Variants in TMEM132D observed in about 807,000 individuals in gnomAD.
TMEM132D encodes the protein transmembrane protein 132D.
In TMEM132D, 21 loss-of-function variants were observed where a neutral mutation model predicts 62.3. The observed-to-expected ratio is 0.34, with a 90% CI of 0.24 to 0.49. The LOEUF is 0.49. Among genes scored for constraint, TMEM132D ranks in the 20% least tolerant of loss-of-function variants. The pLI, the probability that TMEM132D is intolerant of heterozygous loss-of-function variation, is 0.99. For synonymous variants in TMEM132D, 621 were observed against 575.6 expected, an observed-to-expected ratio of 1.08 and a Z score of -1.13; for missense variants, 1,346 against 1,402.8, an observed-to-expected ratio of 0.96 and a Z score of 0.65.
At chr12:129,390,870 G>A (rs1484313900) in intron 3 of TMEM132D, among the ~76,000 whole-genome samples, 1 of 152,194 alleles carries the variant, frequency 6.6e-6, no homozygotes, top group Non-Finnish European at 1.5e-5. Context: ...TTGGTTGGAT[G>A]TAGGCTTCAT....
chr12:129,836,534 A>G (rs1318521756), intron 1 of TMEM132D, among the ~76,000 whole-genome samples: 1 of 151,490 alleles, frequency 6.6e-6, no homozygotes, highest in Non-Finnish European at 1.5e-5. Context: ...GTGTGTGTGT[A>G]CCCCGAATAC....
At chr12:129,282,993 C>T (rs932778162) in intron 4 of TMEM132D, among the ~76,000 whole-genome samples, 2 of 152,146 alleles carry the variant, frequency 1.3e-5, no homozygotes, top group Non-Finnish European at 2.9e-5. Flanking sequence ...GGATAAAGAA[C>T]TTCTGATTCC....
At chr12:129,770,880 C>A (rs535265262) in intron 1 of TMEM132D, among the ~76,000 whole-genome samples, 1 of 152,318 alleles carries the variant, frequency 6.6e-6, no homozygotes, top group East Asian at 1.9e-4. Context: ...GCTTTTGCAC[C>A]ATTGTACAGT....
intron 2 of TMEM132D, among the ~76,000 whole-genome samples, chr12:129,639,249 G>A (rs1019585829): frequency 1.3e-5 from 2 of 151,674 alleles, no homozygotes; most frequent in Non-Finnish European, 2.9e-5. Context: ...TGGGCATGGT[G>A]GTGGGTGCCT....
chr12:129,297,160 T>G (rs1379655429), intron 4 of TMEM132D, among the ~76,000 whole-genome samples: 1 of 152,128 alleles, frequency 6.6e-6, no homozygotes, highest in African/African-American at 2.4e-5. Flanking sequence ...TCAGAGTCAA[T>G]GTGGAGTTTG....
At chr12:129,212,829 T>C (rs1356074540) in intron 4 of TMEM132D, among the ~76,000 whole-genome samples, 1 of 119,396 alleles carries the variant, frequency 8.4e-6, no homozygotes, top group East Asian at 3.4e-4. Context: ...ATAGGCTGGA[T>C]GTGGCACTGA....
chr12:129,186,709 A>G (rs1183723530), intron 5 of TMEM132D, among the ~76,000 whole-genome samples: 2 of 152,200 alleles, frequency 1.3e-5, no homozygotes, highest in African/African-American at 4.8e-5. Context: ...ATGAGCTAAT[A>G]CATGTAAGTG....
chr12:129,552,904 T>G (rs1041642762), intron 2 of TMEM132D, among the ~76,000 whole-genome samples: 1 of 152,214 alleles, frequency 6.6e-6, no homozygotes, highest in African/African-American at 2.4e-5. Context: ...AGTGACTCAC[T>G]GTTCTCCAAG....
chr12:129,770,476 T>C (rs1375800013), intron 1 of TMEM132D, among the ~76,000 whole-genome samples: 1 of 152,180 alleles, frequency 6.6e-6, no homozygotes, highest in East Asian at 1.9e-4. Context: ...AGGTGCTTTT[T>C]TTCAGCCATA....
chr12:129,771,821 A>G (rs946538111), intron 1 of TMEM132D, among the ~76,000 whole-genome samples: 1 of 152,266 alleles, frequency 6.6e-6, no homozygotes, highest in African/African-American at 2.4e-5. Flanking sequence ...ACACACATAT[A>G]CATGCATGAA....
rs182413951 is a variant in TMEM132D at position 129,174,284 on chromosome 12, C to T, written c.1443+35236G>A. ...TTTTGTTCCCCTCCCTGTGTCCATG[C>T]GTTCTCATTGTTCAACTCGCACTTA... is the stretch of plus-strand genomic sequence containing the variant. On this transcript the variant is annotated intron_variant, in intron 5 of 8. Coordinates refer to ENST00000422113, the MANE Select transcript of TMEM132D (RefSeq NM_133448.3). Among the ~76,000 whole-genome samples the T allele has an allele frequency of 6.0e-3, 909 of 152,164 alleles. 3 individuals carry two copies. Among genetic ancestry groups the T allele is most frequent in the Non-Finnish European group, 8.4e-3 (574 of 68,008 alleles).
At chr12:129,754,596 A>AT (rs1870106354) in intron 1 of TMEM132D, among the ~76,000 whole-genome samples, 1 of 152,216 alleles carries the variant, frequency 6.6e-6, no homozygotes, top group African/African-American at 2.4e-5. Context: ...GGCGGGACAC[A>AT]GTAGAGGGCA....
chr12:129,324,929 T>G (rs141423042), intron 4 of TMEM132D, among the ~76,000 whole-genome samples: 81 of 152,340 alleles, frequency 5.3e-4, no homozygotes, highest in African/African-American at 1.8e-3. Context: ...GCACATGTAT[T>G]TACTGTAAAG....
intron 3 of TMEM132D, among the ~76,000 whole-genome samples, chr12:129,402,458 A>G (rs756198661): frequency 1.3e-5 from 2 of 152,184 alleles, no homozygotes; most frequent in Non-Finnish European, 2.9e-5. Context: ...GGGATGGGTC[A>G]CTGCACTGTA....
intron 2 of TMEM132D, among the ~76,000 whole-genome samples, chr12:129,659,887 G>A (rs901559763): frequency 3.3e-5 from 5 of 152,204 alleles, no homozygotes; most frequent in South Asian, 2.1e-4. Context: ...GGTCCAGACC[G>A]AGGAATTTTA....
At chr12:129,340,718 T>C (rs1055216038) in intron 3 of TMEM132D, among the ~76,000 whole-genome samples, 1 of 152,208 alleles carries the variant, frequency 6.6e-6, no homozygotes, top group African/African-American at 2.4e-5. Flanking sequence ...TGTTGGACAT[T>C]TGGGTTGGTT....
At chr12:129,526,818 GAC>G (rs1276560136) in intron 3 of TMEM132D, among the ~76,000 whole-genome samples, 1 of 152,184 alleles carries the variant, frequency 6.6e-6, no homozygotes, top group Non-Finnish European at 1.5e-5. Context: ...CTGATGCAAT[GAC>G]AGACAGTCCT....
intron 4 of TMEM132D, among the ~76,000 whole-genome samples, chr12:129,226,215 G>C (rs1053947038): frequency 6.6e-6 from 1 of 152,224 alleles, no homozygotes; most frequent in Non-Finnish European, 1.5e-5. Context: ...AAGAAAGGGT[G>C]AATGAACTAT....
intron 5 of TMEM132D, among the ~76,000 whole-genome samples, chr12:129,141,848 G>A (rs1184067701): frequency 2.6e-5 from 4 of 151,658 alleles, no homozygotes; most frequent in African/African-American, 7.3e-5. Context: ...GGGATCATTC[G>A]TACCCTAAAC....
Sources: allele counts gnomAD v4.1 joint callset (sites outside exome capture counted in the v4.1 genomes callset), GRCh38; gene constraint gnomAD v4.1.1; transcripts MANE v1.5; gene names NCBI Gene and HGNC (gene_info 2026-07-23, HGNC 2026-07-21).